Variants in NLN observed in about 807,000 individuals in gnomAD.
NLN encodes neurolysin, mitochondrial.
A neutral mutation model predicts 79.9 loss-of-function variants in NLN; 64 were observed. The ratio of observed to expected loss-of-function variants is 0.80; its 90% CI spans 0.65 to 0.99. The LOEUF is 0.99. Ranked by LOEUF, NLN falls within the 50% of genes least tolerant of loss-of-function variation. NLN has a pLI of 0.00. For synonymous variants in NLN, 267 were observed against 296.6 expected, an observed-to-expected ratio of 0.90 and a Z score of 1.02; for missense variants, 835 against 858.7, an observed-to-expected ratio of 0.97 and a Z score of 0.34.
chr5:65,763,058 A>G lies in NLN; in HGVS notation c.400A>G (p.Ile134Val). 6.2e-6 allele frequency: 10 copies of G among 1,613,794 alleles called. No homozygotes were observed. Among genetic ancestry groups the G allele is most frequent in the Non-Finnish European group, 6.8e-6 (8 of 1,179,772 alleles). Residue 134 changes from isoleucine (I) to valine (V), a missense_variant, in exon 3 of 13, where the codon ATT becomes GTT. Ile to Val is a conservative substitution (Grantham distance 29). Coordinates refer to ENST00000380985, the MANE Select transcript of NLN (RefSeq NM_020726.5). ...AGACAAAAGACTTTCTCGTTTTGATATTGAGATGAGCATGAGAGGAGATAT... is the reference window on the plus strand; with the variant it reads ...AGACAAAAGACTTTCTCGTTTTGATGTTGAGATGAGCATGAGAGGAGATAT... ...EADKRLSRFD[I>V]EMSMRGDIFE... is the part of the protein sequence containing the mutation.
chr5:65,785,778 A>T lies in NLN; in HGVS notation c.826A>T (p.Asn276Tyr). The T allele has an allele frequency of 6.2e-7, 1 of 1,613,456 alleles. No homozygotes were observed. Among genetic ancestry groups the T allele is most frequent in the Non-Finnish European group, 8.5e-7 (1 of 1,179,554 alleles). The change falls in exon 7 of 13, where the codon AAC becomes TAC. Residue 276 changes from asparagine to tyrosine, a missense_variant. Physicochemically the swap from Asn to Tyr is moderately radical, Grantham distance 143. Coordinates refer to ENST00000380985, the MANE Select transcript of NLN (RefSeq NM_020726.5). ...MAFNTRCKEE[N>Y]TIILQQLLPL... ...TGTTGCTGTTGTTTATTACTAGGAA[A>T]ACACCATAATTTTGCAGCAGCTACT... is the stretch of plus-strand genomic sequence containing the variant.
chr5:65,730,389 A>C (rs1288226196), intron 1 of NLN, among the ~76,000 whole-genome samples: 1 of 152,200 alleles, frequency 6.6e-6, no homozygotes, highest in African/African-American at 2.4e-5. Flanking sequence ...AAGCAGGAGA[A>C]ACGGCACACA....
intron 3 of NLN, among the ~76,000 whole-genome samples, chr5:65,771,296 G>C (rs1015064464): frequency 1.3e-5 from 2 of 152,308 alleles, no homozygotes; most frequent in South Asian, 4.1e-4. Context: ...ATTCTGACAA[G>C]GGCTTCTCAA....
At chr5:65,736,945 T>TA (rs891608927) in intron 1 of NLN, among the ~76,000 whole-genome samples, 42 of 149,116 alleles carry the variant, frequency 2.8e-4, no homozygotes, top group Middle Eastern at 3.4e-3. Context: ...TACAAAACAT[T>TA]AAAAAAAAAA....
At position 65,788,140 on chromosome 5, in the gene NLN, AC is replaced by A. The variant is rs1182921491; in HGVS notation, c.984del (p.Leu329TrpfsTer10). 1 of 1,613,472 alleles carries A rather than the reference AC, an allele frequency of 6.2e-7. No individual in the cohort carries two copies. Among genetic ancestry groups the A allele is most frequent in the Non-Finnish European group, 8.5e-7 (1 of 1,179,820 alleles). Reference sequence around the variant, plus strand: ...CAGATGATTTAAGCCAGAAGTTAAAACCCTTGGGTGAAGCAGAACGAGAGTT... The same window carrying A: ...CAGATGATTTAAGCCAGAAGTTAAAACCTTGGGTGAAGCAGAACGAGAGTT... ...FLDDLSQKLKPLGEAEREFIL... is the reference protein window; with the variant it reads ...FLDDLSQKLKXLGEAEREFIL... On this transcript the variant is annotated frameshift_variant, in exon 8 of 13. Coordinates refer to ENST00000380985, the MANE Select transcript of NLN (RefSeq NM_020726.5). LOFTEE classifies it high-confidence loss of function.
At chr5:65,736,166 C>A (rs1758723705) in intron 1 of NLN, among the ~76,000 whole-genome samples, 1 of 152,094 alleles carries the variant, frequency 6.6e-6, no homozygotes, top group South Asian at 2.1e-4. Flanking sequence ...AATTGCTGTC[C>A]TCTTGCTTTT....
chr5:65,733,898 T>C (rs1328453481), intron 1 of NLN, among the ~76,000 whole-genome samples: 1 of 135,484 alleles, frequency 7.4e-6, no homozygotes, highest in African/African-American at 2.8e-5. Flanking sequence ...TTTGTATTTT[T>C]TTTTCTTTTT....
chr5:65,803,457 G>T (rs759472911), intron 9 of NLN, among the ~76,000 whole-genome samples: 2 of 152,188 alleles, frequency 1.3e-5, no homozygotes, highest in Non-Finnish European at 2.9e-5. Flanking sequence ...TTGTGACAGT[G>T]CCTGGGATTG....
chr5:65,782,641 A>C (rs370166039), intron 6 of NLN, among the ~76,000 whole-genome samples: 7 of 152,196 alleles, frequency 4.6e-5, no homozygotes, highest in African/African-American at 1.7e-4. Context: ...TTCTCTTAAC[A>C]CTAGGAACAC....
chr5:65,800,577 G>A (rs969148195), intron 9 of NLN, among the ~76,000 whole-genome samples: 2 of 152,138 alleles, frequency 1.3e-5, no homozygotes, highest in Non-Finnish European at 2.9e-5. Context: ...CGGGAGGCAG[G>A]AGAATGGCGT....
chr5:65,737,935 A>C (rs1758763127), intron 1 of NLN, among the ~76,000 whole-genome samples: 2 of 152,128 alleles, frequency 1.3e-5, no homozygotes, highest in Admixed American at 1.3e-4. Context: ...GCCCAAGACC[A>C]GCTCGGGCAA....
chr5:65,788,119 T>C lies in NLN; in HGVS notation c.960T>C (p.Asp320=). 1 of 1,610,226 alleles carries C rather than the reference T, an allele frequency of 6.2e-7. No homozygotes were observed. Among genetic ancestry groups the C allele is most frequent in the East Asian group, 2.2e-5 (1 of 44,866 alleles). The part of the protein sequence containing the change: ...KSTSRVTAFL[D]DLSQKLKPLG... Reference sequence around the variant, plus strand: ...ACTAACTTTTCCTTTTCCTTACAGATGATTTAAGCCAGAAGTTAAAACCCT... The same window carrying C: ...ACTAACTTTTCCTTTTCCTTACAGACGATTTAAGCCAGAAGTTAAAACCCT... The change falls in exon 8 of 13, where the codon GAT becomes GAC. Residue 320 remains aspartate (D), a splice_region_variant and synonymous_variant. Coordinates refer to ENST00000380985, the MANE Select transcript of NLN (RefSeq NM_020726.5).
At chr5:65,763,193 G>A in intron 3 of NLN, 85 bp downstream of exon 3, 2 of 1,168,764 alleles carry the variant, frequency 1.7e-6, no homozygotes, top group Non-Finnish European at 2.5e-6. Flanking sequence ...CATACTGACT[G>A]GATTTTCTTA....
chr5:65,773,127 A>ATTTTTTTT (rs757202934), intron 3 of NLN, among the ~76,000 whole-genome samples: 1 of 96,608 alleles, frequency 1.0e-5, no homozygotes, highest in African/African-American at 4.2e-5. Context: ...CCTGAATTCT[A>ATTTTTTTT]TTTTTTTTTT....
intron 9 of NLN, among the ~76,000 whole-genome samples, chr5:65,794,584 G>GA (rs140433400): frequency 6.6e-6 from 1 of 151,810 alleles, no homozygotes; most frequent in Non-Finnish European, 1.5e-5. Context: ...CAGCCTGGGT[G>GA]AAAAAGTGAG....
chr5:65,778,079 G>T (rs1162944684), intron 4 of NLN, among the ~76,000 whole-genome samples: 2 of 152,002 alleles, frequency 1.3e-5, no homozygotes, highest in African/African-American at 2.4e-5. Context: ...TCACTCCCTT[G>T]GTCATACAGA....
intron 9 of NLN, chr5:65,793,310 A>G (rs1259285891): frequency 1.3e-5 from 2 of 157,276 alleles, no homozygotes; most frequent in Admixed American, 6.4e-5. Context: ...CATTATTAAC[A>G]TATGAAAATG....
At chr5:65,752,724 G>C (rs1759126960) in intron 1 of NLN, among the ~76,000 whole-genome samples, 1 of 152,186 alleles carries the variant, frequency 6.6e-6, no homozygotes, top group Non-Finnish European at 1.5e-5. Flanking sequence ...GAAGATGGGA[G>C]AGGAAAAGCA....
chr5:65,755,539 T>A (rs983159813), intron 1 of NLN, among the ~76,000 whole-genome samples: 10 of 152,200 alleles, frequency 6.6e-5, no homozygotes, highest in Non-Finnish European at 1.3e-4. Context: ...ACTCTCTTTT[T>A]AAAAGTATTT....
Sources: gnomAD v4.1 joint callset for allele counts (sites outside exome capture counted in the v4.1 genomes callset) on GRCh38, gnomAD v4.1.1 for gene constraint, MANE v1.5 for transcripts, NCBI Gene and HGNC (gene_info 2026-07-23, HGNC 2026-07-21) for gene names.